Variants in ZNF709 observed in about 807,000 individuals in gnomAD.
The protein encoded by ZNF709 is zinc finger protein 709.
In ZNF709, 15 loss-of-function variants were observed where a neutral mutation model predicts 10.6. The ratio of observed to expected loss-of-function variants is 1.41; its 90% CI spans 0.95 to 2.18. The LOEUF is 2.18. Ranked by LOEUF, ZNF709 falls within the 30% of genes most tolerant of loss-of-function variation. The pLI, the probability that ZNF709 is intolerant of heterozygous loss-of-function variation, is 0.00. For missense variants in ZNF709, 589 were observed against 774.0 expected (o/e 0.76, Z 2.84); for synonymous variants, 194 against 238.8 (o/e 0.81, Z 1.73).
rs765053761 is a variant in ZNF709 at position 12,465,735 on chromosome 19, T to C, written c.189-2A>G. On this transcript the variant is annotated splice_acceptor_variant, in intron 3 of 3. Coordinates refer to ENST00000397732, the MANE Select transcript of ZNF709 (RefSeq NM_152601.4). LOFTEE classifies it high-confidence loss of function. ...CAGAGCCTCTCTACCATATGACTTC[T>C]GTGAGAAAAAAACAAAACAAAACGC... The C allele has an allele frequency of 1.3e-6, 2 of 1,503,436 alleles. No homozygotes were observed. The highest frequency in any genetic ancestry group is 1.4e-5 in the South Asian group (1 of 70,252). 93.1% of individuals were successfully genotyped at this position (1,503,436 alleles called of 1,614,324 possible). A position where few individuals can be genotyped will look rare whatever the true frequency, so the allele number is the denominator to read the frequency against.
Position 12,464,211 on chromosome 19 carries a change from A to G in ZNF709, c.1711T>C (p.Cys571Arg). ...TCATGCATTCGAACAGAACTAGAAC[A>G]ACTGAAGGCCTTACCACATTGTTTA... ...ECKQCGKAFSCSSSVRMHERT... is the reference protein window; with the variant it reads ...ECKQCGKAFSRSSSVRMHERT... Residue 571 changes from cysteine to arginine, a missense_variant, in exon 4 of 4, where the codon TGT becomes CGT. This residue lies in a region of ZNF709 where 171 missense variants were observed against 277.7 expected (regional missense o/e 0.62). Transcript: ENST00000397732. The G allele has an allele frequency of 6.3e-7, 1 of 1,585,408 alleles. No homozygotes were observed. The highest frequency in any genetic ancestry group is 8.6e-7 in the Non-Finnish European group (1 of 1,168,150).
rs1327508149 is a variant in ZNF709, at chr19:12,461,411, G to A, written c.*2585C>T. ...AATAGGAAACACCGACAATCTGCTTGATATTAGGAAGGTGCTTATTCTTAC... is the reference window on the plus strand; with the variant it reads ...AATAGGAAACACCGACAATCTGCTTAATATTAGGAAGGTGCTTATTCTTAC... On this transcript the variant is annotated 3_prime_UTR_variant, in exon 4 of 4. Coordinates refer to ENST00000397732, the MANE Select transcript of ZNF709 (RefSeq NM_152601.4). 1 of 152,084 alleles carries A rather than the reference G, an allele frequency of 6.6e-6. No individual in the cohort carries two copies. The highest frequency in any genetic ancestry group is 2.4e-5 in the African/African-American group (1 of 41,414). 9.4% of individuals were successfully genotyped at this position (152,084 alleles called of 1,614,324 possible).
In ZNF709 at chr19:12,463,652, G is replaced by T; in HGVS notation, c.*344C>A. ...GTCTTCAAAAGGAAATGGGGGCCGG[G>T]TGTGGTGGCTCACACCTGTAATCCA... On this transcript the variant is annotated 3_prime_UTR_variant, in exon 4 of 4. Transcript: ENST00000397732. The T allele has an allele frequency of 5.5e-6, 1 of 182,112 alleles. No homozygotes were observed. Among genetic ancestry groups the T allele is most frequent in the Non-Finnish European group, 1.1e-5 (1 of 88,278 alleles). 11.3% of individuals were successfully genotyped at this position (182,112 alleles called of 1,614,324 possible). A position where few individuals can be genotyped will look rare whatever the true frequency, so the allele number is the denominator to read the frequency against.
At position 12,464,840 on chromosome 19, in the gene ZNF709, T is replaced by C. The variant is rs775174007; in HGVS notation, c.1082A>G (p.Asn361Ser). ...YRRHMIMHTG[N>S]GPYKCKECGK... ...ACATTCCTTGCATTTATAAGGTCCA[T>C]TTCCAGTGTGCATTATCATATGTCT... Residue 361 changes from asparagine (N) to serine (S), a missense_variant, in exon 4 of 4, where the codon AAT becomes AGT. Asn to Ser is a conservative substitution (Grantham distance 46, BLOSUM62 1). Around this residue, in one of 2 missense-constraint regions of ZNF709, gnomAD observed 418 missense variants for 496.3 expected, o/e 0.84. Coordinates refer to ENST00000397732, the MANE Select transcript of ZNF709 (RefSeq NM_152601.4). 3.1e-6 allele frequency: 5 copies of C among 1,613,940 alleles called. 1 individual carries two copies. The South Asian group carries it at 4.4e-5, about 14-fold the overall frequency.
chr19:12,484,555 A>T, intron 1 of ZNF709, 100 bp downstream of exon 1: 9 of 1,527,610 alleles, frequency 5.9e-6, no homozygotes, highest in Non-Finnish European at 8.1e-6. Flanking sequence ...CAGACCCGGG[A>T]GACAACGGCG....
At chr19:12,475,822 A>C (rs1599635205) in intron 1 of ZNF709, among the ~76,000 whole-genome samples, 1 of 152,226 alleles carries the variant, frequency 6.6e-6, no homozygotes, top group Admixed American at 6.5e-5. Flanking sequence ...AAGAATCCAC[A>C]ACAAACTCCT....
In ZNF709 at chr19:12,484,666, C is replaced by T. The variant is rs764581179; in HGVS notation, c.-9G>A. ...CCCCGCACACTTACCATTTCCCAGA[C>T]TCTGGGATGTCCTGGTGTTCTGTTT... On this transcript the variant is annotated 5_prime_UTR_variant, in exon 1 of 4. Transcript: ENST00000397732. 36 of 1,614,070 alleles carry T rather than the reference C, an allele frequency of 2.2e-5. No individual in the cohort carries two copies. Among genetic ancestry groups the T allele is most frequent in the Non-Finnish European group, 3.0e-5 (35 of 1,179,936 alleles).
In ZNF709 at chr19:12,462,116, A is replaced by AGAAG. The variant is rs1171568793; in HGVS notation, c.*1876_*1879dup. 6.6e-6 allele frequency: 1 copy of AGAAG among 151,982 alleles called. No individual in the cohort carries two copies. The highest frequency in any genetic ancestry group is 1.5e-5 in the Non-Finnish European group (1 of 68,156). The allele number at this position is 151,982 out of a possible 1,614,324, so 9.4% of individuals were successfully genotyped here. ...AGAAAAGAAAGGGAAAGGGAAAGAA[A>AGAAG]GAAGGAAGGAAGGAAGGAAAATATG... is the stretch of plus-strand genomic sequence containing the variant. On this transcript the variant is annotated 3_prime_UTR_variant, in exon 4 of 4. Transcript: ENST00000397732.
Position 12,469,030 on chromosome 19 carries a change from C to T in ZNF709, c.4-2180G>A, listed in dbSNP as rs569958720. Among the ~76,000 whole-genome samples the T allele has an allele frequency of 2.2e-4, 33 of 152,204 alleles. No individual in the cohort carries two copies. The South Asian group carries it at 6.2e-3, about 29-fold the overall frequency. On this transcript the variant is annotated intron_variant, in intron 1 of 3. Transcript: ENST00000397732. Reference sequence around the variant, plus strand: ...TAATTTTTTGTATATTTAGTAGAGACGGGGTTTCACTATGTTAGCCAGGAT... The same window carrying T: ...TAATTTTTTGTATATTTAGTAGAGATGGGGTTTCACTATGTTAGCCAGGAT...
intron 1 of ZNF709, among the ~76,000 whole-genome samples, chr19:12,471,615 T>C (rs1970635111): frequency 6.6e-6 from 1 of 151,990 alleles, no homozygotes; most frequent in Admixed American, 6.6e-5. Flanking sequence ...GAGAGCTAAA[T>C]AGAACAAGGG....
chr19:12,467,832 A>C (rs28632001), intron 1 of ZNF709, among the ~76,000 whole-genome samples: 1 of 148,112 alleles, frequency 6.8e-6, no homozygotes, highest in African/African-American at 2.5e-5. Flanking sequence ...GCCCGGCCGC[A>C]ACCCCGTCTG....
At position 12,463,926 on chromosome 19, in the gene ZNF709, C is replaced by CAAAAAA. The variant is rs60000717; in HGVS notation, c.*64_*69dup. ...AGGGCAACAGAGTGAGAATTCAACT[C>CAAAAAA]AAAAAAAAAAAAAAAAAAAAAGGAA... On this transcript the variant is annotated 3_prime_UTR_variant, in exon 4 of 4. Coordinates refer to ENST00000397732, the MANE Select transcript of ZNF709 (RefSeq NM_152601.4). 2.5e-4 allele frequency: 227 copies of CAAAAAA among 915,976 alleles called. No homozygotes were observed. Among genetic ancestry groups the CAAAAAA allele is most frequent in the South Asian group, 4.2e-4 (12 of 28,762 alleles). The allele number at this position is 915,976 out of a possible 1,614,324, so 56.7% of individuals were successfully genotyped here. A position where few individuals can be genotyped will look rare whatever the true frequency, so the allele number is the denominator to read the frequency against.
rs1232720428 is a variant in ZNF709, at chr19:12,461,680, G to T, written c.*2316C>A. On this transcript the variant is annotated 3_prime_UTR_variant, in exon 4 of 4. Coordinates refer to ENST00000397732, the MANE Select transcript of ZNF709 (RefSeq NM_152601.4). ...CCTTAAGAGTCTAAATGGTTGCCTG[G>T]TGGACACATTAGAGTTTCTAGGAAA... 6.6e-6 allele frequency: 1 copy of T among 152,158 alleles called. No homozygotes were observed. Among genetic ancestry groups the T allele is most frequent in the African/African-American group, 2.4e-5 (1 of 41,436 alleles). The allele number at this position is 152,158 out of a possible 1,614,324, so 9.4% of individuals were successfully genotyped here.
At chr19:12,482,679 G>A (rs1023860875) in intron 1 of ZNF709, among the ~76,000 whole-genome samples, 7 of 152,160 alleles carry the variant, frequency 4.6e-5, no homozygotes, top group African/African-American at 1.2e-4. Context: ...CCCTCAGGAA[G>A]GGCATCACTG....
At chr19:12,469,569 C>A (rs552482717) in intron 1 of ZNF709, among the ~76,000 whole-genome samples, 2 of 152,038 alleles carry the variant, frequency 1.3e-5, no homozygotes, top group South Asian at 2.1e-4. Context: ...GAGATAGAGA[C>A]CATCCTGGCT....
intron 1 of ZNF709, among the ~76,000 whole-genome samples, chr19:12,477,273 C>T (rs915565000): frequency 6.6e-6 from 1 of 152,154 alleles, no homozygotes; most frequent in African/African-American, 2.4e-5. Flanking sequence ...TTACATAATA[C>T]TTTTCAACCC....
At chr19:12,467,711 G>A (rs1307125372) in intron 1 of ZNF709, among the ~76,000 whole-genome samples, 1 of 151,760 alleles carries the variant, frequency 6.6e-6, no homozygotes, top group Non-Finnish European at 1.5e-5. Flanking sequence ...TCTCTGCCCG[G>A]CGGCCCATCG....
chr19:12,471,620 C>G (rs915679418), intron 1 of ZNF709, among the ~76,000 whole-genome samples: 1 of 151,836 alleles, frequency 6.6e-6, no homozygotes, highest in African/African-American at 2.4e-5. Flanking sequence ...CTAAATAGAA[C>G]AAGGGAGGGG....
chr19:12,473,975 G>A (rs1334458991), intron 1 of ZNF709, among the ~76,000 whole-genome samples: 2 of 152,236 alleles, frequency 1.3e-5, no homozygotes, highest in African/African-American at 4.8e-5. Flanking sequence ...GAGCCCAGGA[G>A]TTTGAGGCTG....
Sources: allele counts gnomAD v4.1 joint callset (sites outside exome capture counted in the v4.1 genomes callset), GRCh38; gene constraint gnomAD v4.1.1; regional missense constraint gnomAD v4.1.1; transcripts MANE v1.5; gene names NCBI Gene and HGNC (gene_info 2026-07-23, HGNC 2026-07-21).